CFAP20DC: variants seen among roughly 807,000 people sequenced by gnomAD.
CFAP20DC encodes the protein protein CFAP20DC.
CFAP20DC carries 84 observed loss-of-function variants against 101.7 expected under a neutral mutation model. The ratio of observed to expected loss-of-function variants is 0.83; its 90% CI spans 0.69 to 0.99. The LOEUF (loss-of-function observed/expected upper bound fraction) is 0.99. Ranked by LOEUF, CFAP20DC falls within the 50% of genes least tolerant of loss-of-function variation. CFAP20DC has a pLI of 0.00. For synonymous variants in CFAP20DC, 359 were observed against 351.2 expected (o/e 1.02, Z -0.25); for missense variants, 1,007 against 970.3 (o/e 1.04, Z -0.50).
chr3:59,018,560 C>T (rs142786762), intron 4 of CFAP20DC: 1 of 152,170 alleles, frequency 6.6e-6, no homozygotes, highest in Non-Finnish European at 1.5e-5. Flanking sequence ...AGATGCATAA[C>T]ATGAATCTAA....
chr3:58,758,684 C>G (rs1412738587), intron 15 of CFAP20DC, among the ~76,000 whole-genome samples: 3 of 152,092 alleles, frequency 2.0e-5, no homozygotes, highest in Non-Finnish European at 4.4e-5. Context: ...GCTATCCCTC[C>G]CCCTTCCCCT....
Position 58,870,894 on chromosome 3 carries a change from C to CAA in CFAP20DC, c.716-587_716-586dup, listed in dbSNP as rs548763648. On this transcript the variant is annotated intron_variant, in intron 7 of 16. Transcript: ENST00000482387. ...TGGGCGACAGAGCGAGACTCCGTCT[C>CAA]AAAAAAAAAAAAAAAAAAAAAAAAA... Among the ~76,000 whole-genome samples, 60 of 18,934 alleles carry CAA rather than the reference C, an allele frequency of 3.2e-3. 3 individuals carry two copies. Among genetic ancestry groups the CAA allele is most frequent in the Admixed American group, 6.9e-3 (9 of 1,298 alleles). 12.4% of individuals were successfully genotyped at this position (18,934 alleles called of 152,430 possible).
At chr3:58,856,265 G>GACACAC (rs536277954) in intron 12 of CFAP20DC, among the ~76,000 whole-genome samples, 17,406 of 123,896 alleles carry the variant, frequency 0.14, 1,496 homozygotes, top group Non-Finnish European at 0.17. Context: ...TTCATCTTCT[G>GACACAC]ACACACACAC....
chr3:58,907,761 A>G (rs2083749247), intron 6 of CFAP20DC, among the ~76,000 whole-genome samples: 1 of 152,206 alleles, frequency 6.6e-6, no homozygotes, highest in South Asian at 2.1e-4. Context: ...TAATCAAGGC[A>G]TAAGTATTAT....
chr3:58,839,945 A>G (rs902840904), intron 13 of CFAP20DC, among the ~76,000 whole-genome samples: 10 of 152,206 alleles, frequency 6.6e-5, no homozygotes, highest in African/African-American at 2.2e-4. Context: ...ACTCCACACC[A>G]TTTTGCCTTT....
chr3:58,778,753 C>A (rs900111770), intron 15 of CFAP20DC, among the ~76,000 whole-genome samples: 2 of 152,226 alleles, frequency 1.3e-5, no homozygotes, highest in Non-Finnish European at 2.9e-5. Context: ...CTATTGAGGT[C>A]CGGAGACTGG....
chr3:58,994,085 A>ATCAACCT (rs2093031027), intron 4 of CFAP20DC, among the ~76,000 whole-genome samples: 1 of 152,200 alleles, frequency 6.6e-6, no homozygotes, highest in Non-Finnish European at 1.5e-5. Context: ...ATCTGCCTCA[A>ATCAACCT]TCAACCTTTC....
At chr3:58,917,790 A>G (rs1681573463) in intron 5 of CFAP20DC, among the ~76,000 whole-genome samples, 1 of 152,206 alleles carries the variant, frequency 6.6e-6, no homozygotes, top group Non-Finnish European at 1.5e-5. Context: ...CCTATTACTA[A>G]TGTATTAAAA....
rs1318706088 is a variant in CFAP20DC, at chr3:58,811,389, G to C, written c.2176-4933C>G. ...TCAATGGAACAGAACAGAGCCCTCA[G>C]AAATAACGCCGCATATCTACAACTA... is the stretch of plus-strand genomic sequence containing the variant. On this transcript the variant is annotated intron_variant, in intron 14 of 16. Coordinates refer to ENST00000482387, the MANE Select transcript of CFAP20DC (RefSeq NM_001394063.1). Among the ~76,000 whole-genome samples, 3 of 151,998 alleles carry C rather than the reference G, an allele frequency of 2.0e-5. No individual in the cohort carries two copies. The East Asian group carries it at 5.8e-4, about 29-fold the overall frequency.
intron 7 of CFAP20DC, among the ~76,000 whole-genome samples, chr3:58,880,431 G>A (rs1366022232): frequency 6.6e-6 from 1 of 152,098 alleles, no homozygotes; most frequent in East Asian, 1.9e-4. Context: ...TTATTGTGTG[G>A]TTATTGAGTC....
rs983484198 is a variant in CFAP20DC, at chr3:58,859,872, A to G, written c.1593+3686T>C. 6.6e-5 allele frequency among the ~76,000 whole-genome samples: 10 copies of G among 152,140 alleles called. No individual in the cohort carries two copies. The highest frequency in any genetic ancestry group is 5.9e-4 in the Admixed American group (9 of 15,270). ...CACCGTGTGTATGTAAGTGTGTGTG[A>G]GAAAGCAATTAAAAATCATTACTTG... On this transcript the variant is annotated intron_variant, in intron 12 of 16. Transcript: ENST00000482387. This position sits in a 1 kb window ranked among gnomAD's most constrained non-coding sequence, Gnocchi z 4.1.
intron 4 of CFAP20DC, among the ~76,000 whole-genome samples, chr3:58,974,535 C>G (rs1199451012): frequency 6.6e-6 from 1 of 152,050 alleles, no homozygotes; most frequent in Non-Finnish European, 1.5e-5. Flanking sequence ...TAAGCATACC[C>G]TTAGAATGAT....
At position 58,799,636 on chromosome 3, in the gene CFAP20DC, AG is replaced by A. The variant is rs913172544; in HGVS notation, c.2237+6758del. On this transcript the variant is annotated intron_variant, in intron 15 of 16. Coordinates refer to ENST00000482387, the MANE Select transcript of CFAP20DC (RefSeq NM_001394063.1). The surrounding 1 kb of genome is among the most constrained non-coding windows in gnomAD (Gnocchi z 4.9). ...CTTGGCAAGTATATCCCTTGAAACTAGGGAGACACTGAACAAGTGAGATAAG... is the reference window on the plus strand; with the variant it reads ...CTTGGCAAGTATATCCCTTGAAACTAGGAGACACTGAACAAGTGAGATAAG... Among the ~76,000 whole-genome samples, 1 of 152,118 alleles carries A rather than the reference AG, an allele frequency of 6.6e-6. No individual in the cohort carries two copies. The highest frequency in any genetic ancestry group is 2.4e-5 in the African/African-American group (1 of 41,402).
intron 4 of CFAP20DC, among the ~76,000 whole-genome samples, chr3:58,986,984 T>C (rs2092773405): frequency 6.6e-6 from 1 of 151,968 alleles, no homozygotes; most frequent in South Asian, 2.1e-4. Context: ...AATAAGTAAA[T>C]AGGATACCAT....
At chr3:58,974,206 T>G (rs1328797261) in intron 4 of CFAP20DC, among the ~76,000 whole-genome samples, 4 of 152,068 alleles carry the variant, frequency 2.6e-5, no homozygotes, top group African/African-American at 9.7e-5. Context: ...GTCACCTAGG[T>G]AGTGAGCATA....
rs1553645550 is a variant in CFAP20DC at position 58,751,867 on chromosome 3, A to ACACACACACACACACACACACACAC, written c.2332+1901_2332+1902insGTGTGTGTGTGTGTGTGTGTGTGTG. Among the ~76,000 whole-genome samples, 1,046 of 136,184 alleles carry ACACACACACACACACACACACACAC rather than the reference A, an allele frequency of 7.7e-3. 19 individuals are homozygous for ACACACACACACACACACACACACAC. Among genetic ancestry groups the ACACACACACACACACACACACACAC allele is most frequent in the African/African-American group, 0.026 (979 of 38,358 alleles). 89.3% of individuals were successfully genotyped at this position (136,184 alleles called of 152,430 possible). ...CACACACACACACACACACACACAC[A>ACACACACACACACACACACACACAC]AAATTTCCTCCTGGTGGTGGTGTGA... On this transcript the variant is annotated intron_variant, in intron 16 of 16. Coordinates refer to ENST00000482387, the MANE Select transcript of CFAP20DC (RefSeq NM_001394063.1).
intron 15 of CFAP20DC, among the ~76,000 whole-genome samples, chr3:58,781,255 G>T (rs1276459792): frequency 1.3e-5 from 2 of 151,632 alleles, no homozygotes; most frequent in Non-Finnish European, 3.0e-5. Flanking sequence ...TAAAAACACA[G>T]TGTACCAAAA....
chr3:58,817,814 G>C (rs993762287), intron 14 of CFAP20DC, among the ~76,000 whole-genome samples: 2 of 152,170 alleles, frequency 1.3e-5, no homozygotes, highest in African/African-American at 4.8e-5. Context: ...TCCTCAAGAA[G>C]AGCAACTTCA....
At position 58,855,510 on chromosome 3, in the gene CFAP20DC, T is replaced by C. The variant is rs545122775; in HGVS notation, c.1594-6101A>G. Among the ~76,000 whole-genome samples the C allele has an allele frequency of 1.1e-3, 167 of 152,232 alleles. 2 individuals are homozygous for C. Among genetic ancestry groups the C allele is most frequent in the Middle Eastern group, 6.8e-3 (2 of 294 alleles). On this transcript the variant is annotated intron_variant, in intron 12 of 16. Transcript: ENST00000482387. ...GGGTATATACCCAAAGGACTATAAA[T>C]CATGCTGCTATAAAGACACGTGCAC...
Sources: gnomAD v4.1 joint callset for allele counts (sites outside exome capture counted in the v4.1 genomes callset) on GRCh38, gnomAD v4.1.1 for gene constraint, Gnocchi (gnomAD v3.1) non-coding constraint, MANE v1.5 for transcripts, NCBI Gene and HGNC (gene_info 2026-07-23, HGNC 2026-07-21) for gene names.